XG: variants seen among roughly 807,000 people sequenced by gnomAD.
XG encodes glycoprotein Xg.
Under a neutral mutation model 25.7 loss-of-function variants are expected in XG, and 24 were observed. The ratio of observed to expected loss-of-function variants is 0.93; its 90% CI spans 0.68 to 1.31. XG has a LOEUF of 1.31. Ranked by LOEUF, XG falls within the 40% of genes most tolerant of loss-of-function variation. The pLI, the probability that XG is intolerant of heterozygous loss-of-function variation, is 0.00. For synonymous variants in XG, 77 were observed against 69.2 expected, an observed-to-expected ratio of 1.11 and a Z score of -0.56; for missense variants, 181 against 187.6, an observed-to-expected ratio of 0.96 and a Z score of 0.21.
intron 3 of XG, among the ~76,000 whole-genome samples, chrX:2,780,836 A>G (rs2051104381): frequency 6.6e-6 from 1 of 152,158 alleles, no homozygotes; most frequent in Admixed American, 6.5e-5. Flanking sequence ...GAGAGACAAA[A>G]CAGTTGCCTT....
chrX:2,809,138 G>C (rs1261831791), intron 9 of XG, among the ~76,000 whole-genome samples: 1 of 111,239 alleles, frequency 9.0e-6, no homozygotes, highest in East Asian at 2.8e-4. Context: ...GGTGGGAGGT[G>C]CCCAGGAGAA....
chrX:2,778,154 TAA>T (rs1278145730), intron 3 of XG, among the ~76,000 whole-genome samples: 1 of 152,096 alleles, frequency 6.6e-6, no homozygotes, highest in African/African-American at 2.4e-5. Flanking sequence ...CACCTCAGGT[TAA>T]GTTAAAAGTG....
chrX:2,781,857 C>CTT (rs3214987), intron 3 of XG, among the ~76,000 whole-genome samples: 11 of 109,446 alleles, frequency 1.0e-4, no homozygotes, highest in African/African-American at 3.3e-4. Flanking sequence ...AAACGGAAAC[C>CTT]TTTTTTTTTA....
At chrX:2,759,694 T>C (rs1015678672) in intron 1 of XG, among the ~76,000 whole-genome samples, 1 of 152,180 alleles carries the variant, frequency 6.6e-6, no homozygotes, top group Non-Finnish European at 1.5e-5. Context: ...CTCCCCTTTC[T>C]TGGATAACAA....
chrX:2,770,660 T>C, intron 2 of XG, 69 bp downstream of exon 2: 1 of 1,591,408 alleles, frequency 6.3e-7, no homozygotes, highest in Non-Finnish European at 8.6e-7. Context: ...GCTGTATAGT[T>C]ACTTTGGGGT....
chrX:2,777,647 A>G (rs1200331626), intron 3 of XG, among the ~76,000 whole-genome samples: 1 of 152,206 alleles, frequency 6.6e-6, no homozygotes, highest in Admixed American at 6.5e-5. Flanking sequence ...GAAGTTAAGA[A>G]GGAAGGAATT....
intron 1 of XG, among the ~76,000 whole-genome samples, chrX:2,764,509 C>T (rs1478662536): frequency 3.3e-5 from 5 of 151,882 alleles, no homozygotes; most frequent in African/African-American, 1.2e-4. Context: ...AATTGCTGAA[C>T]TGGAGTCAAA....
At chrX:2,809,710 G>T (rs1373550713) in intron 9 of XG, among the ~76,000 whole-genome samples, 4 of 112,189 alleles carry the variant, frequency 3.6e-5, no homozygotes, top group East Asian at 2.8e-4. Context: ...CCTCTCTTGT[G>T]TGCAGTCAAC....
intron 2 of XG, among the ~76,000 whole-genome samples, chrX:2,773,440 AGGGTGGG>A (rs1484818073): frequency 4.4e-4 from 59 of 133,430 alleles, no homozygotes; most frequent in African/African-American, 1.5e-3. Flanking sequence ...GGAAGAAAGG[AGGGTGGG>A]GAGGAAGGAA....
chrX:2,788,332 C>T lies in XG; in HGVS notation c.191-1312C>T, dbSNP rs185681286. On this transcript the variant is annotated intron_variant, in intron 4 of 10. Transcript: ENST00000644266. The stretch of plus-strand genomic sequence containing the variant: ...ACAGAAAATAAAGTTTCTAGTCCAG[C>T]GACAAAAAGGTGCTGAAGATACAGA... Among the ~76,000 whole-genome samples the T allele has an allele frequency of 4.5e-3, 503 of 112,143 alleles. 3 individuals are homozygous for T. The highest frequency in any genetic ancestry group is 0.015 in the African/African-American group (465 of 30,925).
intron 3 of XG, among the ~76,000 whole-genome samples, chrX:2,776,780 G>A (rs311164): frequency 0.11 from 16,590 of 151,504 alleles, 943 homozygotes; most frequent in Middle Eastern, 0.15. Flanking sequence ...CCCGGGAGGC[G>A]GAGCTTGCAG....
chrX:2,788,905 G>A (rs1214973620), intron 4 of XG, among the ~76,000 whole-genome samples: 22 of 109,897 alleles, frequency 2.0e-4, no homozygotes, highest in African/African-American at 6.6e-4. Flanking sequence ...TGAGGAACAT[G>A]CAAAAGTCAT....
At chrX:2,755,244 G>A (rs1187616930) in intron 1 of XG, among the ~76,000 whole-genome samples, 1 of 152,174 alleles carries the variant, frequency 6.6e-6, no homozygotes, top group Non-Finnish European at 1.5e-5. Flanking sequence ...TGGCTATTCC[G>A]CAGAGCAGCT....
At chrX:2,802,152 G>C (rs953994579) in intron 7 of XG, among the ~76,000 whole-genome samples, 12 of 110,716 alleles carry the variant, frequency 1.1e-4, no homozygotes, top group Non-Finnish European at 2.3e-4. Flanking sequence ...ATATCAACTG[G>C]AGGTTTTGCT....
In XG at chrX:2,752,077, T is replaced by G. The variant is rs1876719795; in HGVS notation, c.-198T>G. ...GTGCCTACACTGGTCCCACAGGTTT[T>G]CAGCTGTGGAGTTTGGGATCTGAGC... is the stretch of plus-strand genomic sequence containing the variant. On this transcript the variant is annotated 5_prime_UTR_variant, in exon 1 of 11. Coordinates refer to ENST00000644266, the MANE Select transcript of XG (RefSeq NM_001141919.2). 2.5e-6 allele frequency: 2 copies of G among 797,928 alleles called. No homozygotes were observed. Among genetic ancestry groups the G allele is most frequent in the Non-Finnish European group, 2.0e-6 (1 of 509,002 alleles). The allele number at this position is 797,928 out of a possible 1,614,324, so 49.4% of individuals were successfully genotyped here.
intron 7 of XG, among the ~76,000 whole-genome samples, chrX:2,800,122 C>T (rs1442926718): frequency 9.0e-6 from 1 of 111,386 alleles, no homozygotes; most frequent in Non-Finnish European, 1.9e-5. Context: ...AGAATGTGGG[C>T]TCAGAGCATG....
Position 2,808,352 on chromosome X carries a change from T to C in XG, c.454+132T>C, listed in dbSNP as rs1231137073. 5 of 880,207 alleles carry C rather than the reference T, an allele frequency of 5.7e-6. No individual in the cohort carries two copies. The African/African-American group carries it at 8.0e-5, about 14-fold the overall frequency. 72.5% of individuals were successfully genotyped at this position (880,207 alleles called of 1,213,427 possible). ...ACGGAGCACTCATACTTTGTATGTA[T>C]ATAAAGTAGCTCCTGAATAAAAATA... On this transcript the variant is annotated intron_variant, in intron 9 of 10. Coordinates refer to ENST00000644266, the MANE Select transcript of XG (RefSeq NM_001141919.2).
At chrX:2,768,134 G>A (rs186933642) in intron 1 of XG, among the ~76,000 whole-genome samples, 167 of 152,256 alleles carry the variant, frequency 1.1e-3, no homozygotes, top group African/African-American at 3.8e-3. Flanking sequence ...ACTGGGAGGG[G>A]AGAGACAACA....
At chrX:2,752,454 G>A in intron 1 of XG, 119 bp downstream of exon 1, 1 of 1,368,872 alleles carries the variant, frequency 7.3e-7, no homozygotes, top group Non-Finnish European at 9.9e-7. Flanking sequence ...TGCCCAATGG[G>A]ATTAGAAAGG....
Sources: allele counts gnomAD v4.1 joint callset (sites outside exome capture counted in the v4.1 genomes callset), GRCh38; gene constraint gnomAD v4.1.1; transcripts MANE v1.5; gene names NCBI Gene and HGNC (gene_info 2026-07-23, HGNC 2026-07-21).